The following CNTN4 variants were observed in gnomAD, a reference collection of about 807,000 sequenced individuals.
CNTN4 encodes contactin-4.
In CNTN4, 77 loss-of-function variants were observed where a neutral mutation model predicts 122.5. The observed-to-expected ratio is 0.63, with a 90% CI of 0.52 to 0.76. CNTN4 has a LOEUF of 0.76. Among genes scored for constraint, CNTN4 ranks in the 30% least tolerant of loss-of-function variants. The pLI, the probability that CNTN4 is intolerant of heterozygous loss-of-function variation, is 0.00. For synonymous variants in CNTN4, 512 were observed against 447.0 expected (o/e 1.15, Z -1.83); for missense variants, 1,256 against 1,259.1 (o/e 1.00, Z 0.04).
intron 6 of CNTN4, among the ~76,000 whole-genome samples, chr3:2,816,072 A>C (rs1437515897): frequency 2.0e-5 from 3 of 151,712 alleles, no homozygotes; most frequent in African/African-American, 7.3e-5. Context: ...TGATACAATG[A>C]GGCCGGATAC....
At chr3:3,021,729 C>A (rs1197713875) in intron 14 of CNTN4, among the ~76,000 whole-genome samples, 5 of 152,152 alleles carry the variant, frequency 3.3e-5, no homozygotes, top group Admixed American at 3.3e-4. Context: ...ATCAGGAAAG[C>A]AACATTGAAA....
intron 4 of CNTN4, among the ~76,000 whole-genome samples, chr3:2,646,263 C>A (rs1444329976): frequency 6.6e-6 from 1 of 152,104 alleles, no homozygotes; most frequent in Admixed American, 6.5e-5. Flanking sequence ...CACTATCAAT[C>A]AAAATGAATA....
chr3:2,468,120 A>C (rs1394600395), intron 3 of CNTN4, among the ~76,000 whole-genome samples: 2 of 152,222 alleles, frequency 1.3e-5, no homozygotes, highest in African/African-American at 4.8e-5. Context: ...AGTCCTATTC[A>C]TAAGACTGAA....
chr3:2,817,392 A>G (rs776408910), intron 6 of CNTN4, among the ~76,000 whole-genome samples: 1 of 152,142 alleles, frequency 6.6e-6, no homozygotes, highest in African/African-American at 2.4e-5. Context: ...CAGTCTTTCC[A>G]TTTGCTGTAT....
chr3:2,944,563 A>G (rs992932386), intron 13 of CNTN4, among the ~76,000 whole-genome samples: 10 of 152,196 alleles, frequency 6.6e-5, no homozygotes, highest in African/African-American at 2.2e-4. Flanking sequence ...ACTAGACTCT[A>G]TTAAACACCT....
intron 3 of CNTN4, among the ~76,000 whole-genome samples, chr3:2,428,579 T>C (rs980704873): frequency 6.6e-6 from 1 of 152,170 alleles, no homozygotes; most frequent in African/African-American, 2.4e-5. Context: ...AGGAGTATCT[T>C]TGTTGCATTC....
intron 13 of CNTN4, among the ~76,000 whole-genome samples, chr3:2,972,582 C>T (rs960701737): frequency 7.2e-5 from 11 of 152,046 alleles, no homozygotes; most frequent in African/African-American, 2.4e-4. Flanking sequence ...GTTTGTTGCT[C>T]GAGGTTATCA....
chr3:2,197,202 C>A (rs967367652), intron 2 of CNTN4, among the ~76,000 whole-genome samples: 11 of 152,288 alleles, frequency 7.2e-5, no homozygotes, highest in Non-Finnish European at 1.3e-4. Flanking sequence ...CTTCTCCATA[C>A]TGGCCCTGGG....
At chr3:2,326,341 C>G (rs2043456316) in intron 2 of CNTN4, among the ~76,000 whole-genome samples, 1 of 152,118 alleles carries the variant, frequency 6.6e-6, no homozygotes, top group South Asian at 2.1e-4. Flanking sequence ...TACAGCATCT[C>G]ACGTCTACTG....
In CNTN4 at chr3:2,609,519, A is replaced by G. The variant is rs371766821; in HGVS notation, c.55+37961A>G. On this transcript the variant is annotated intron_variant, in intron 4 of 24. Transcript: ENST00000418658. ...TGGACTAAGAGAGATTTAATATGGA[A>G]TCCCAAACAATGAAACAACTATTTG... Among the ~76,000 whole-genome samples, 56 of 152,354 alleles carry G rather than the reference A, an allele frequency of 3.7e-4. No individual in the cohort carries two copies. The South Asian group carries it at 6.2e-3, about 17-fold the overall frequency.
intron 8 of CNTN4, among the ~76,000 whole-genome samples, chr3:2,867,250 A>G (rs968228607): frequency 1.3e-5 from 2 of 152,328 alleles, no homozygotes; most frequent in African/African-American, 4.8e-5. Flanking sequence ...AACTGTATAC[A>G]CAGTCAGAAT....
At chr3:2,391,013 A>C (rs1037118853) in intron 3 of CNTN4, among the ~76,000 whole-genome samples, 7 of 152,330 alleles carry the variant, frequency 4.6e-5, no homozygotes, top group African/African-American at 1.7e-4. Flanking sequence ...ATAAAATTGT[A>C]ATAACAGGTG....
chr3:2,154,411 AT>A, intron 2 of CNTN4, among the ~76,000 whole-genome samples: 1 of 151,934 alleles, frequency 6.6e-6, no homozygotes, highest in East Asian at 1.9e-4. Context: ...GGATATGGTA[AT>A]TTTTCTCCTT....
At chr3:2,846,028 G>A (rs911705917) in intron 7 of CNTN4, among the ~76,000 whole-genome samples, 3 of 152,232 alleles carry the variant, frequency 2.0e-5, no homozygotes, top group African/African-American at 7.2e-5. Flanking sequence ...TTAAGAAGGT[G>A]TGGGAGCAGG....
At chr3:2,119,572 A>G (rs1462135790) in intron 2 of CNTN4, among the ~76,000 whole-genome samples, 1 of 152,228 alleles carries the variant, frequency 6.6e-6, no homozygotes, top group Non-Finnish European at 1.5e-5. Flanking sequence ...AGTAAATGGG[A>G]ACACAGAAAG....
intron 6 of CNTN4, among the ~76,000 whole-genome samples, chr3:2,767,061 G>C (rs1337698920): frequency 6.6e-6 from 1 of 152,164 alleles, no homozygotes; most frequent in Non-Finnish European, 1.5e-5. Flanking sequence ...GTATCACATG[G>C]ATTAAGTGAG....
intron 14 of CNTN4, among the ~76,000 whole-genome samples, chr3:3,013,818 G>A (rs1697469421): frequency 6.6e-6 from 1 of 152,088 alleles, no homozygotes; most frequent in South Asian, 2.1e-4. Flanking sequence ...CGATGCTGCA[G>A]CAGTTTGCAA....
At chr3:2,431,002 C>G (rs2048047796) in intron 3 of CNTN4, among the ~76,000 whole-genome samples, 1 of 152,020 alleles carries the variant, frequency 6.6e-6, no homozygotes, top group Admixed American at 6.6e-5. Context: ...GCATTGCATC[C>G]AGTATGTGGT....
intron 23 of CNTN4, among the ~76,000 whole-genome samples, chr3:3,049,303 A>G (rs3856842): frequency 0.78 from 118,290 of 152,028 alleles, 46,315 homozygotes; most frequent in East Asian, 0.88. Context: ...GGCTGGTCTT[A>G]AACTCCTGAC....
Sources: allele counts gnomAD v4.1 joint callset (sites outside exome capture counted in the v4.1 genomes callset), GRCh38; gene constraint gnomAD v4.1.1; transcripts MANE v1.5; gene names NCBI Gene and HGNC (gene_info 2026-07-23, HGNC 2026-07-21).